XKR9: variants seen among roughly 807,000 people sequenced by gnomAD.
XKR9 encodes XK-related protein 9.
A neutral mutation model predicts 32.0 loss-of-function variants in XKR9; 32 were observed. The ratio of observed to expected loss-of-function variants is 1.00; its 90% CI spans 0.76 to 1.34. The LOEUF is 1.34. Among genes scored for constraint, XKR9 ranks in the 40% most tolerant of loss-of-function variants. XKR9 has a pLI of 0.00. For missense variants in XKR9, 546 were observed against 429.7 expected, an observed-to-expected ratio of 1.27 and a Z score of -2.39; for synonymous variants, 168 against 143.4, an observed-to-expected ratio of 1.17 and a Z score of -1.22.
the XKR9 span, among the ~76,000 whole-genome samples, chr8:70,813,635 A>T: frequency 6.6e-6 from 1 of 152,252 alleles, no homozygotes; most frequent in Non-Finnish European, 1.5e-5. Flanking sequence ...GGCAAAGGAT[A>T]TGAACAGACA....
At chr8:70,975,712 C>G in the XKR9 span, among the ~76,000 whole-genome samples, 1 of 152,152 alleles carries the variant, frequency 6.6e-6, no homozygotes, top group Non-Finnish European at 1.5e-5. Flanking sequence ...TTAGGATTGT[C>G]TTGGCAATGC....
At chr8:70,840,134 C>T in the XKR9 span, among the ~76,000 whole-genome samples, 1 of 152,130 alleles carries the variant, frequency 6.6e-6, no homozygotes, top group Admixed American at 6.6e-5. Flanking sequence ...CTGCTGTCAG[C>T]AGTGACCTTG....
intron 4 of XKR9, among the ~76,000 whole-genome samples, chr8:70,728,203 C>A (rs1806540961): frequency 6.6e-6 from 1 of 152,146 alleles, no homozygotes; most frequent in Non-Finnish European, 1.5e-5. Flanking sequence ...GTCTCTTTCA[C>A]TGTCTAAGGT....
At chr8:70,962,246 CA>C in the XKR9 span, among the ~76,000 whole-genome samples, 20 of 151,554 alleles carry the variant, frequency 1.3e-4, no homozygotes, top group African/African-American at 3.2e-4. Flanking sequence ...ATTTTAGATT[CA>C]GGGGGTATTT....
intron 3 of XKR9, among the ~76,000 whole-genome samples, chr8:70,699,495 A>T (rs1421302786): frequency 6.6e-6 from 1 of 152,126 alleles, no homozygotes; most frequent in Non-Finnish European, 1.5e-5. Flanking sequence ...TTCTTTCAGA[A>T]TGTTGAATAT....
At chr8:70,749,429 A>C (rs377605225) in intron 2 of XKR9, among the ~76,000 whole-genome samples, 2 of 149,518 alleles carry the variant, frequency 1.3e-5, no homozygotes, top group African/African-American at 5.0e-5. Context: ...CTGTGCCTCC[A>C]AGCTTTCAGG....
chr8:71,038,431 C>G, the XKR9 span, among the ~76,000 whole-genome samples: 2 of 151,386 alleles, frequency 1.3e-5, no homozygotes, highest in Non-Finnish European at 2.9e-5. Flanking sequence ...AGCGATTCTC[C>G]TGCCTCAGCC....
intron 2 of XKR9, among the ~76,000 whole-genome samples, chr8:70,782,283 A>G (rs1807627529): frequency 6.6e-6 from 1 of 152,190 alleles, no homozygotes; most frequent in Non-Finnish European, 1.5e-5. Context: ...TTGTAAATTG[A>G]CAATTTATAA....
chr8:70,802,603 TA>T, the XKR9 span, among the ~76,000 whole-genome samples: 1 of 152,212 alleles, frequency 6.6e-6, no homozygotes, highest in Non-Finnish European at 1.5e-5. Context: ...TAGTAGCCAG[TA>T]ATTGTCTTTT....
intron 4 of XKR9, among the ~76,000 whole-genome samples, chr8:70,709,131 G>A (rs1805821278): frequency 6.6e-6 from 1 of 151,998 alleles, no homozygotes. Context: ...TAGGATGCAA[G>A]GTTTATTCAA....
chr8:70,686,386 G>A (rs1399421718), intron 3 of XKR9, among the ~76,000 whole-genome samples: 1 of 150,130 alleles, frequency 6.7e-6, no homozygotes, highest in East Asian at 1.9e-4. Flanking sequence ...GGGACTACAG[G>A]TGTGTGCCAC....
chr8:70,719,635 T>C (rs1806208562), intron 4 of XKR9, among the ~76,000 whole-genome samples: 1 of 152,170 alleles, frequency 6.6e-6, no homozygotes, highest in East Asian at 1.9e-4. Context: ...GAGGCCTCTG[T>C]CCTGATCCAT....
At chr8:70,876,164 A>G in the XKR9 span, among the ~76,000 whole-genome samples, 1 of 151,452 alleles carries the variant, frequency 6.6e-6, no homozygotes, top group Admixed American at 6.6e-5. Flanking sequence ...TAAGTCTTGG[A>G]TGCAGCAAGT....
the XKR9 span, among the ~76,000 whole-genome samples, chr8:70,900,821 C>T: frequency 6.6e-6 from 1 of 152,094 alleles, no homozygotes; most frequent in Non-Finnish European, 1.5e-5. Flanking sequence ...CCCCCGACCC[C>T]ACTACAGGCC....
At position 70,734,230 on chromosome 8, in the gene XKR9, C is replaced by T; in HGVS notation, c.928C>T (p.Leu310Phe). 6.2e-7 allele frequency: 1 copy of T among 1,613,056 alleles called. No individual in the cohort carries two copies. Among genetic ancestry groups the T allele is most frequent in the Non-Finnish European group, 8.5e-7 (1 of 1,179,438 alleles). ...GILTVFWVCP[L>F]TIFNPDYFIP... is the part of the protein sequence containing the mutation. ...ATTGACTGTATTCTGGGTTTGCCCC[C>T]TCACTATTTTTAATCCAGACTATTT... Residue 310 changes from leucine to phenylalanine, a missense_variant, in exon 5 of 5, where the codon CTC (leucine) becomes TTC (phenylalanine). By Grantham distance (22) the Leu-to-Phe change is conservative. Transcript: ENST00000408926.
At chr8:70,913,981 A>T in the XKR9 span, among the ~76,000 whole-genome samples, 1 of 152,200 alleles carries the variant, frequency 6.6e-6, no homozygotes, top group African/African-American at 2.4e-5. Context: ...CATAATTTAT[A>T]TACTGTTGAT....
At chr8:70,834,707 C>A in the XKR9 span, among the ~76,000 whole-genome samples, 1 of 152,042 alleles carries the variant, frequency 6.6e-6, no homozygotes, top group African/African-American at 2.4e-5. Context: ...TATGTAAAAT[C>A]TGATAAGAAT....
At chr8:70,994,543 C>T in the XKR9 span, among the ~76,000 whole-genome samples, 3 of 151,954 alleles carry the variant, frequency 2.0e-5, no homozygotes, top group Non-Finnish European at 4.4e-5. Context: ...AATATTTTCT[C>T]TTTGCATTTT....
chr8:70,825,413 A>C, the XKR9 span, among the ~76,000 whole-genome samples: 1 of 152,058 alleles, frequency 6.6e-6, no homozygotes, highest in Non-Finnish European at 1.5e-5. Context: ...GATATTATAC[A>C]ATATTTTGAA....
Sources: gnomAD v4.1 joint callset for allele counts (sites outside exome capture counted in the v4.1 genomes callset) on GRCh38, gnomAD v4.1.1 for gene constraint, MANE v1.5 for transcripts, NCBI Gene and HGNC (gene_info 2026-07-23, HGNC 2026-07-21) for gene names.